The following SGCZ variants were observed in gnomAD, a reference collection of about 807,000 sequenced individuals.
SGCZ encodes the protein zeta-sarcoglycan.
Under a neutral mutation model 41.3 loss-of-function variants are expected in SGCZ, and 40 were observed. That is an observed-to-expected ratio of 0.97 (90% CI 0.75 to 1.26). SGCZ has a LOEUF of 1.26. SGCZ is among the 50% of genes most tolerant of loss of function. The pLI is 0.00. For synonymous variants in SGCZ, 206 were observed against 137.5 expected, an observed-to-expected ratio of 1.50 and a Z score of -3.49; for missense variants, 552 against 369.8, an observed-to-expected ratio of 1.49 and a Z score of -4.04.
At chr8:15,041,254 T>C (rs982862828) in intron 1 of SGCZ, among the ~76,000 whole-genome samples, 2 of 151,904 alleles carry the variant, frequency 1.3e-5, no homozygotes, top group East Asian at 1.9e-4. Flanking sequence ...GTTTTAAACT[T>C]TTTAGATAAA....
At chr8:15,144,552 C>T (rs936598297) in intron 1 of SGCZ, among the ~76,000 whole-genome samples, 2 of 152,028 alleles carry the variant, frequency 1.3e-5, no homozygotes, top group African/African-American at 4.8e-5. Flanking sequence ...GCAACCACCT[C>T]CCGGGTTCAA....
At chr8:15,216,671 G>C (rs191599799) in intron 1 of SGCZ, among the ~76,000 whole-genome samples, 18 of 152,150 alleles carry the variant, frequency 1.2e-4, no homozygotes, top group Admixed American at 2.6e-4. Flanking sequence ...AAAGCATCTT[G>C]TTACTTTATA....
chr8:14,757,491 A>G (rs1799716437), intron 1 of SGCZ, among the ~76,000 whole-genome samples: 1 of 152,166 alleles, frequency 6.6e-6, no homozygotes. Context: ...AACTATACCT[A>G]AGAGTTCAGA....
At chr8:14,876,634 T>A (rs6530811) in intron 1 of SGCZ, among the ~76,000 whole-genome samples, 106,764 of 152,094 alleles carry the variant, frequency 0.7, 38,328 homozygotes, top group African/African-American at 0.84. Context: ...TTAGTGAGGG[T>A]CACTTAAAGT....
Position 14,119,161 on chromosome 8 carries a change from C to T in SGCZ, c.548-10926G>A, listed in dbSNP as rs139155195. Among the ~76,000 whole-genome samples the T allele has an allele frequency of 5.8e-4, 89 of 152,294 alleles. No homozygotes were observed. In the East Asian group the frequency reaches 0.017, roughly 28 times the overall value. Reference sequence around the variant, plus strand: ...TATAAATTACTTTGGGCACTATGGACATTTTTATGATACTGATTCTTCTTA... The same window carrying T: ...TATAAATTACTTTGGGCACTATGGATATTTTTATGATACTGATTCTTCTTA... On this transcript the variant is annotated intron_variant, in intron 5 of 7. Coordinates refer to ENST00000382080, the MANE Select transcript of SGCZ (RefSeq NM_139167.4).
chr8:14,932,354 G>A (rs1799944008), intron 1 of SGCZ, among the ~76,000 whole-genome samples: 2 of 151,746 alleles, frequency 1.3e-5, no homozygotes, highest in African/African-American at 4.9e-5. Flanking sequence ...TTTCATTTCA[G>A]GCCATTTTCC....
At chr8:14,376,834 C>T (rs566925369) in intron 2 of SGCZ, among the ~76,000 whole-genome samples, 1 of 152,074 alleles carries the variant, frequency 6.6e-6, no homozygotes, top group Non-Finnish European at 1.5e-5. Flanking sequence ...AATACATAAA[C>T]AATTAGGATT....
At chr8:14,255,254 T>G (rs148492870) in intron 3 of SGCZ, among the ~76,000 whole-genome samples, 1 of 152,168 alleles carries the variant, frequency 6.6e-6, no homozygotes. Context: ...TCAGTTACCA[T>G]ATAGATAATT....
At chr8:14,135,810 A>G (rs1001209710) in intron 5 of SGCZ, among the ~76,000 whole-genome samples, 2 of 152,194 alleles carry the variant, frequency 1.3e-5, no homozygotes, top group African/African-American at 4.8e-5. Context: ...AACTAGTTTT[A>G]TGAGATTGGT....
chr8:14,190,014 CTT>C (rs71304966), intron 4 of SGCZ, among the ~76,000 whole-genome samples: 1 of 100,202 alleles, frequency 1.0e-5, no homozygotes, highest in Non-Finnish European at 2.0e-5. Context: ...TTCTTTCTTT[CTT>C]TTTTTTTTTT....
intron 1 of SGCZ, among the ~76,000 whole-genome samples, chr8:15,111,124 A>G (rs983496223): frequency 2.6e-5 from 4 of 152,168 alleles, no homozygotes; most frequent in Non-Finnish European, 4.4e-5. Flanking sequence ...ACACCAGGGA[A>G]GCGGGGGCAG....
At chr8:14,198,320 T>A (rs1441186275) in intron 4 of SGCZ, among the ~76,000 whole-genome samples, 17 of 152,178 alleles carry the variant, frequency 1.1e-4, no homozygotes, top group African/African-American at 4.1e-4. Flanking sequence ...TAACCCTTAT[T>A]ATACTCCATG....
chr8:15,166,638 A>T (rs2117053076), intron 1 of SGCZ, among the ~76,000 whole-genome samples: 1 of 152,306 alleles, frequency 6.6e-6, no homozygotes, highest in South Asian at 2.1e-4. Flanking sequence ...CTAATGTCTG[A>T]GTATATGCTA....
At chr8:14,379,344 A>G (rs1432177389) in intron 2 of SGCZ, among the ~76,000 whole-genome samples, 2 of 152,190 alleles carry the variant, frequency 1.3e-5, no homozygotes, top group Non-Finnish European at 2.9e-5. Context: ...TAATAAGTAG[A>G]TAGATGATAT....
At chr8:14,894,297 T>C (rs1474055041) in intron 1 of SGCZ, among the ~76,000 whole-genome samples, 1 of 152,202 alleles carries the variant, frequency 6.6e-6, no homozygotes, top group Non-Finnish European at 1.5e-5. Flanking sequence ...CCATAACCTC[T>C]CTCAGTTGAC....
chr8:14,998,094 A>C lies in SGCZ; in HGVS notation c.39+239491T>G, dbSNP rs529402938. On this transcript the variant is annotated intron_variant, in intron 1 of 7. Coordinates refer to ENST00000382080, the MANE Select transcript of SGCZ (RefSeq NM_139167.4). Reference sequence around the variant, plus strand: ...AACTACGAAGTAACACACCCATTAAAGTACTGCGTCTTTTTCAAATGTATA... The same window carrying C: ...AACTACGAAGTAACACACCCATTAACGTACTGCGTCTTTTTCAAATGTATA... Among the ~76,000 whole-genome samples, 4 of 152,362 alleles carry C rather than the reference A, an allele frequency of 2.6e-5. No individual in the cohort carries two copies. In the South Asian group the frequency reaches 8.3e-4, roughly 32 times the overall value.
chr8:14,682,429 C>A (rs544927624), intron 1 of SGCZ, among the ~76,000 whole-genome samples: 52 of 117,512 alleles, frequency 4.4e-4, no homozygotes, highest in African/African-American at 1.7e-3. Context: ...ATGCACCCTG[C>A]AATGCAATTT....
intron 2 of SGCZ, among the ~76,000 whole-genome samples, chr8:14,466,634 C>T (rs1801058335): frequency 6.6e-6 from 1 of 151,658 alleles, no homozygotes; most frequent in African/African-American, 2.4e-5. Flanking sequence ...ATTTTTTTCA[C>T]TTAACCTCCA....
chr8:14,798,099 A>G lies in SGCZ; in HGVS notation c.40-243173T>C, dbSNP rs529424568. Reference sequence around the variant, plus strand: ...CACTGGAACACAGCACAATTTAAGCATCAAATAAATACTATCCCTGTTTTC... The same window carrying G: ...CACTGGAACACAGCACAATTTAAGCGTCAAATAAATACTATCCCTGTTTTC... On this transcript the variant is annotated intron_variant, in intron 1 of 7. Transcript: ENST00000382080. Among the ~76,000 whole-genome samples the G allele has an allele frequency of 2.1e-3, 318 of 152,366 alleles. 1 individual carries two copies. Among genetic ancestry groups the G allele is most frequent in the Middle Eastern group, 0.017 (5 of 294 alleles).
Sources: gnomAD v4.1 joint callset for allele counts (sites outside exome capture counted in the v4.1 genomes callset) on GRCh38, gnomAD v4.1.1 for gene constraint, MANE v1.5 for transcripts, NCBI Gene and HGNC (gene_info 2026-07-23, HGNC 2026-07-21) for gene names.